The following WDHD1 variants were observed in gnomAD, a reference collection of about 807,000 sequenced individuals.
WDHD1 encodes WD repeat and HMG-box DNA binding protein 1.
Under a neutral mutation model 135.4 loss-of-function variants are expected in WDHD1, and 111 were observed. The ratio of observed to expected loss-of-function variants is 0.82; its 90% confidence interval spans 0.70 to 0.96. The LOEUF is 0.96. Among genes scored for constraint, WDHD1 ranks in the 40% least tolerant of loss-of-function variants. The pLI is 0.00. For missense variants in WDHD1, 1,351 were observed against 1,336.3 expected, an observed-to-expected ratio of 1.01 and a Z score of -0.17; for synonymous variants, 434 against 439.0, an observed-to-expected ratio of 0.99 and a Z score of 0.14.
At chr14:54,958,277 C>T (rs1008264813) in intron 21 of WDHD1, among the ~76,000 whole-genome samples, 10 of 152,010 alleles carry the variant, frequency 6.6e-5, no homozygotes, top group African/African-American at 2.2e-4. Flanking sequence ...CAGGCGCCTG[C>T]TACCACGCCC....
intron 2 of WDHD1, among the ~76,000 whole-genome samples, chr14:55,018,925 A>C (rs2042301028): frequency 6.6e-6 from 1 of 152,198 alleles, no homozygotes; most frequent in South Asian, 2.1e-4. Context: ...TGGGAGGCTG[A>C]GGCAGGAGAA....
Position 54,941,695 on chromosome 14 carries a change from G to C in WDHD1, c.3190-5C>G, listed in dbSNP as rs1313879409. On this transcript the variant is annotated splice_polypyrimidine_tract_variant and splice_region_variant and intron_variant, in intron 25 of 25. Coordinates refer to ENST00000360586, the MANE Select transcript of WDHD1 (RefSeq NM_007086.4). The stretch of plus-strand genomic sequence containing the variant: ...TTTGGCTTTGTTAGCCCACACCTTT[G>C]TAAAATGGCAGGAGTGAAAAGGAAA... 6.2e-7 allele frequency: 1 copy of C among 1,600,252 alleles called. No individual in the cohort carries two copies. The highest frequency in any genetic ancestry group is 1.3e-5 in the African/African-American group (1 of 74,124).
chr14:54,963,756 C>A (rs1389065390), intron 18 of WDHD1, among the ~76,000 whole-genome samples: 3 of 143,980 alleles, frequency 2.1e-5, no homozygotes. Flanking sequence ...GCCAAGATTG[C>A]ACCACTGCAC....
chr14:55,008,749 T>A, intron 4 of WDHD1, 30 bp from the exon 5 acceptor site: 1 of 1,478,368 alleles, frequency 6.8e-7, no homozygotes, highest in Non-Finnish European at 9.3e-7. Flanking sequence ...CGCAAATGAA[T>A]AAATGCTAAC....
At chr14:54,986,874 G>C (rs975302209) in intron 14 of WDHD1, among the ~76,000 whole-genome samples, 1 of 152,168 alleles carries the variant, frequency 6.6e-6, no homozygotes, top group Non-Finnish European at 1.5e-5. Flanking sequence ...AACGCTGAAA[G>C]TTCTCTGGTC....
intron 2 of WDHD1, among the ~76,000 whole-genome samples, chr14:55,021,675 C>T (rs1244433592): frequency 1.3e-5 from 2 of 152,128 alleles, no homozygotes; most frequent in East Asian, 1.9e-4. Context: ...TGTGAGCCAC[C>T]GCGCCCAGCC....
At chr14:55,008,769 T>C in intron 4 of WDHD1, 50 bp from the exon 5 acceptor site, 5 of 1,080,228 alleles carry the variant, frequency 4.6e-6, no homozygotes, top group Non-Finnish European at 6.9e-6. Flanking sequence ...CACAAAGGCC[T>C]CTCCTAAAAG....
intron 2 of WDHD1, among the ~76,000 whole-genome samples, chr14:55,021,571 G>C (rs563564669): frequency 3.3e-5 from 5 of 152,242 alleles, no homozygotes; most frequent in African/African-American, 1.2e-4. Flanking sequence ...TTTTGGTAGA[G>C]ACCGGGGTCT....
At chr14:55,017,275 C>T (rs1452863410) in intron 2 of WDHD1, among the ~76,000 whole-genome samples, 2 of 152,118 alleles carry the variant, frequency 1.3e-5, no homozygotes, top group Non-Finnish European at 2.9e-5. Flanking sequence ...ATGGTTTTAT[C>T]CTTTATTGTA....
chr14:54,954,648 A>G (rs2041121520), intron 24 of WDHD1, among the ~76,000 whole-genome samples: 1 of 152,220 alleles, frequency 6.6e-6, no homozygotes, highest in African/African-American at 2.4e-5. Flanking sequence ...CAAAGATTAA[A>G]GCTCTTATTT....
At chr14:54,964,737 C>G (rs1377820295) in intron 18 of WDHD1, among the ~76,000 whole-genome samples, 1 of 152,130 alleles carries the variant, frequency 6.6e-6, no homozygotes. Context: ...TAAAGAAGAA[C>G]TCAACAATCC....
intron 13 of WDHD1, among the ~76,000 whole-genome samples, chr14:54,988,675 A>G (rs1208156770): frequency 6.6e-6 from 1 of 151,756 alleles, no homozygotes; most frequent in Non-Finnish European, 1.5e-5. Context: ...ATTTTCCGAA[A>G]CTTCTATACT....
chr14:54,978,730 T>A (rs2041567747), intron 16 of WDHD1, among the ~76,000 whole-genome samples: 1 of 152,150 alleles, frequency 6.6e-6, no homozygotes, highest in South Asian at 2.1e-4. Context: ...CTAATTCAAT[T>A]TTGCATCCTC....
At chr14:54,998,631 T>C (rs1392850982) in intron 10 of WDHD1, among the ~76,000 whole-genome samples, 2 of 69,950 alleles carry the variant, frequency 2.9e-5, no homozygotes, top group East Asian at 2.9e-4. Context: ...TCTAGTAGAA[T>C]TTTTTTTTTT....
intron 2 of WDHD1, among the ~76,000 whole-genome samples, chr14:55,026,321 TA>T (rs10628556): frequency 6.6e-6 from 1 of 150,652 alleles, no homozygotes; most frequent in Non-Finnish European, 1.5e-5. Context: ...GTCAAAAAGT[TA>T]AAAAAAAATA....
At chr14:55,026,549 G>A (rs1290468085) in intron 2 of WDHD1, among the ~76,000 whole-genome samples, 162 bp downstream of exon 2, 3 of 152,128 alleles carry the variant, frequency 2.0e-5, no homozygotes, top group Admixed American at 6.5e-5. Context: ...CTACCATGAC[G>A]GCCCGAATCA....
rs1310947735 is a variant in WDHD1, at chr14:54,941,406, A to ATG, written c.*83_*84insCA. On this transcript the variant is annotated 3_prime_UTR_variant, in exon 26 of 26. Coordinates refer to ENST00000360586, the MANE Select transcript of WDHD1 (RefSeq NM_007086.4). ...TTCAAACTCTTTAAAAAATATATAT[A>ATG]TAATGAGTTTCCCAAAGACTCGAGT... is the stretch of plus-strand genomic sequence containing the variant. 8.9e-6 allele frequency: 10 copies of ATG among 1,123,166 alleles called. No individual in the cohort carries two copies. The highest frequency in any genetic ancestry group is 1.2e-5 in the Non-Finnish European group (10 of 803,564). 69.6% of individuals were successfully genotyped at this position (1,123,166 alleles called of 1,614,324 possible).
At chr14:54,964,287 C>A (rs955602940) in intron 18 of WDHD1, among the ~76,000 whole-genome samples, 3 of 152,060 alleles carry the variant, frequency 2.0e-5, no homozygotes, top group African/African-American at 7.2e-5. Flanking sequence ...TTTTTAGTAT[C>A]ATTTATCTAT....
intron 2 of WDHD1, among the ~76,000 whole-genome samples, chr14:55,022,574 C>G (rs931182941): frequency 1.3e-5 from 2 of 151,844 alleles, no homozygotes; most frequent in Non-Finnish European, 2.9e-5. Context: ...CCCAGCTACT[C>G]GGGAGGCTGA....
Sources: gnomAD v4.1 joint callset for allele counts (sites outside exome capture counted in the v4.1 genomes callset) on GRCh38, gnomAD v4.1.1 for gene constraint, MANE v1.5 for transcripts, NCBI Gene and HGNC (gene_info 2026-07-23, HGNC 2026-07-21) for gene names.